LRP1B: variants seen among roughly 807,000 people sequenced by gnomAD.
The protein encoded by LRP1B is LDL receptor related protein 1B.
A neutral mutation model predicts 556.6 loss-of-function variants in LRP1B; 217 were observed. The observed-to-expected ratio is 0.39, with a 90% confidence interval of 0.35 to 0.44. The LOEUF is 0.44. Among genes scored for constraint, LRP1B ranks in the 20% least tolerant of loss-of-function variants. LRP1B has a pLI of 1.00. For missense variants in LRP1B, 5,053 were observed against 5,620.8 expected (o/e 0.90, Z 3.23); for synonymous variants, 2,047 against 1,865.8 (o/e 1.10, Z -2.50).
At position 140,670,453 on chromosome 2, in the gene LRP1B, G is replaced by A. The variant is rs79255269; in HGVS notation, c.6799+29797C>T. Among the ~76,000 whole-genome samples, 87 of 152,236 alleles carry A rather than the reference G, an allele frequency of 5.7e-4. No individual in the cohort carries two copies. In the East Asian group the frequency reaches 0.017, roughly 29 times the overall value. Reference sequence around the variant, plus strand: ...AAACCTAATAAATTTGCAAGTAATGGATACTTGTATAAATAGAGATAATGT... The same window carrying A: ...AAACCTAATAAATTTGCAAGTAATGAATACTTGTATAAATAGAGATAATGT... On this transcript the variant is annotated intron_variant, in intron 41 of 90. Coordinates refer to ENST00000389484, the MANE Select transcript of LRP1B (RefSeq NM_018557.3).
chr2:142,027,681 C>CAT (rs982120023), intron 1 of LRP1B, among the ~76,000 whole-genome samples: 39 of 151,162 alleles, frequency 2.6e-4, no homozygotes, highest in Admixed American at 2.4e-3. Context: ...AAAACACACA[C>CAT]ACACACACAC....
chr2:141,367,776 C>T (rs570599269), intron 3 of LRP1B, among the ~76,000 whole-genome samples: 4 of 152,046 alleles, frequency 2.6e-5, no homozygotes, highest in South Asian at 2.1e-4. Flanking sequence ...CATGAGCCAC[C>T]GTGCCCAGCC....
chr2:141,079,951 GTT>G (rs1553456928), intron 7 of LRP1B, among the ~76,000 whole-genome samples: 1 of 152,140 alleles, frequency 6.6e-6, no homozygotes, highest in Non-Finnish European at 1.5e-5. Flanking sequence ...TAAAGGACTC[GTT>G]CAATATCAGT....
chr2:140,783,111 A>C (rs1689758595), intron 32 of LRP1B, among the ~76,000 whole-genome samples: 1 of 152,166 alleles, frequency 6.6e-6, no homozygotes, highest in African/African-American at 2.4e-5. Flanking sequence ...AGGCTGTTGC[A>C]ATACATATTT....
chr2:141,155,018 AT>A (rs1702030129), intron 7 of LRP1B, among the ~76,000 whole-genome samples: 1 of 152,008 alleles, frequency 6.6e-6, no homozygotes, highest in Non-Finnish European at 1.5e-5. Context: ...AGCAGTAAAA[AT>A]AAAACAAAAG....
chr2:141,341,052 T>C (rs1243247973), intron 3 of LRP1B, among the ~76,000 whole-genome samples: 1 of 152,192 alleles, frequency 6.6e-6, no homozygotes, highest in Non-Finnish European at 1.5e-5. Context: ...TGATACATCA[T>C]GGCAAATATA....
intron 1 of LRP1B, among the ~76,000 whole-genome samples, chr2:141,825,739 A>C (rs1696899553): frequency 6.6e-6 from 1 of 152,212 alleles, no homozygotes; most frequent in African/African-American, 2.4e-5. Flanking sequence ...ATGAGAATTT[A>C]AGTGAAATCT....
intron 6 of LRP1B, among the ~76,000 whole-genome samples, chr2:141,197,798 A>G (rs1291589075): frequency 6.6e-6 from 1 of 152,106 alleles, no homozygotes; most frequent in Non-Finnish European, 1.5e-5. Flanking sequence ...TCAATATTAA[A>G]TATGTAATCA....
At chr2:142,088,974 C>CAAA (rs1289382985) in intron 1 of LRP1B, among the ~76,000 whole-genome samples, 31 of 39,464 alleles carry the variant, frequency 7.9e-4, no homozygotes, top group East Asian at 1.1e-3. Context: ...GGCTCCGTCT[C>CAAA]AAAAAAAAAA....
intron 6 of LRP1B, among the ~76,000 whole-genome samples, chr2:141,191,806 A>G (rs1332329091): frequency 6.6e-6 from 1 of 151,792 alleles, no homozygotes; most frequent in African/African-American, 2.4e-5. Flanking sequence ...TATCAGCTAG[A>G]GCTCAGAACT....
At chr2:140,235,278 T>C (rs1680646878) in intron 89 of LRP1B, among the ~76,000 whole-genome samples, 2 of 151,260 alleles carry the variant, frequency 1.3e-5, no homozygotes, top group African/African-American at 4.8e-5. Flanking sequence ...TTAAGTACTT[T>C]CAATCCTTTT....
At chr2:140,765,834 G>A (rs113443790) in intron 35 of LRP1B, among the ~76,000 whole-genome samples, 1 of 152,032 alleles carries the variant, frequency 6.6e-6, no homozygotes, top group East Asian at 1.9e-4. Flanking sequence ...TATGATACTT[G>A]TACTTTGCCA....
At chr2:140,391,151 T>C (rs1684001584) in intron 66 of LRP1B, among the ~76,000 whole-genome samples, 2 of 152,160 alleles carry the variant, frequency 1.3e-5, no homozygotes, top group Non-Finnish European at 2.9e-5. Flanking sequence ...ATCATTCAAA[T>C]TGGAATATAT....
At position 140,541,833 on chromosome 2, in the gene LRP1B, C is replaced by T. The variant is rs201587960; in HGVS notation, c.7333G>A (p.Asp2445Asn). 1.1e-5 allele frequency: 17 copies of T among 1,612,434 alleles called. No individual in the cohort carries two copies. Among genetic ancestry groups the T allele is most frequent in the Middle Eastern group, 1.6e-4 (1 of 6,072 alleles). Residue 2445 changes from aspartate (D) to asparagine (N), a missense_variant, in exon 44 of 91, where the codon GAT becomes AAT. This residue lies in a region of LRP1B where 3,619 missense variants were observed against 3,931.9 expected (regional missense o/e 0.92). Transcript: ENST00000389484. Reference protein sequence around the residue: ...TGGDTKILRSDIPHQPMGIIA... With the variant: ...TGGDTKILRSNIPHQPMGIIA... ...ATTCCCATTGGCTGATGTGGAATAT[C>T]GGAACGAAGAATTTTTGTATCTCCT...
chr2:141,285,521 C>T (rs1219563111), intron 3 of LRP1B, among the ~76,000 whole-genome samples: 2 of 118,844 alleles, frequency 1.7e-5, no homozygotes, highest in Non-Finnish European at 3.4e-5. Context: ...AATGGCTTGG[C>T]ATCAGCTCAC....
At chr2:141,272,049 T>C (rs1685111047) in intron 3 of LRP1B, among the ~76,000 whole-genome samples, 2 of 151,994 alleles carry the variant, frequency 1.3e-5, no homozygotes, top group Admixed American at 1.3e-4. Context: ...AGAAGGTTAA[T>C]ACAAAAATCT....
intron 63 of LRP1B, among the ~76,000 whole-genome samples, chr2:140,446,457 C>G (rs944092125): frequency 3.3e-5 from 5 of 152,096 alleles, no homozygotes; most frequent in Non-Finnish European, 7.4e-5. Flanking sequence ...TGGGATGAGG[C>G]TTTCCTGTCT....
chr2:141,455,699 A>T (rs1249188709), intron 3 of LRP1B, among the ~76,000 whole-genome samples: 1 of 152,184 alleles, frequency 6.6e-6, no homozygotes, highest in African/African-American at 2.4e-5. Context: ...GGAATAAATG[A>T]ACAAATACAT....
chr2:142,097,021 A>G (rs1401211406), intron 1 of LRP1B, among the ~76,000 whole-genome samples: 2 of 150,552 alleles, frequency 1.3e-5, no homozygotes, highest in East Asian at 2.0e-4. Flanking sequence ...AGTCCACTGG[A>G]CTATCACAGT....
Sources: gnomAD v4.1 joint callset for allele counts (sites outside exome capture counted in the v4.1 genomes callset) on GRCh38, gnomAD v4.1.1 for gene constraint, gnomAD v4.1.1 regional missense constraint, MANE v1.5 for transcripts, NCBI Gene and HGNC (gene_info 2026-07-23, HGNC 2026-07-21) for gene names.